The following OTOP1 variants were observed in gnomAD, a reference collection of about 807,000 sequenced individuals.
OTOP1 encodes the protein proton channel OTOP1.
OTOP1 carries 59 observed loss-of-function variants against 52.9 expected under a neutral mutation model. That is an observed-to-expected ratio of 1.12 (90% CI 0.91 to 1.39). The LOEUF is 1.39. Among genes scored for constraint, OTOP1 ranks in the 40% most tolerant of loss-of-function variants. OTOP1 has a pLI of 0.00. For missense variants in OTOP1, 761 were observed against 800.9 expected, an observed-to-expected ratio of 0.95 and a Z score of 0.60; for synonymous variants, 317 against 337.7, an observed-to-expected ratio of 0.94 and a Z score of 0.67.
chr4:4,197,523 G>A lies in OTOP1; in HGVS notation c.1311C>T (p.Tyr437=), dbSNP rs147909403. Residue 437 remains tyrosine (Y), a synonymous_variant, in exon 5 of 6, where the codon TAC becomes TAT. Transcript: ENST00000296358. ...PYSILAIVEK[Y]IQNLFIFESI... ...ATTCAAAGATGAAGAGGTTCTGGAT[G>A]TACTTCTCCACGATCGCCAGGATGG... 1.1e-5 allele frequency: 17 copies of A among 1,614,008 alleles called. 1 individual carries two copies. In the Admixed American group the frequency reaches 2.2e-4, roughly 21 times the overall value.
intron 5 of OTOP1, among the ~76,000 whole-genome samples, chr4:4,194,301 C>G (rs78728907): frequency 0.16 from 23,809 of 152,222 alleles, 2,369 homozygotes; most frequent in Non-Finnish European, 0.23. Flanking sequence ...ACATGCACCT[C>G]AAAAAAATGC....
At chr4:4,195,455 G>A (rs1716600950) in intron 5 of OTOP1, among the ~76,000 whole-genome samples, 2 of 152,252 alleles carry the variant, frequency 1.3e-5, no homozygotes, top group South Asian at 4.2e-4. Context: ...TTGCAGTGAG[G>A]GGTGCCCATG....
At position 4,197,298 on chromosome 4, in the gene OTOP1, C is replaced by T; in HGVS notation, c.1536G>A (p.Glu512=). ...AGCTGCTCTCCTCCTGCTTCTCCTC[C>T]TCCTTGTCATGGCTTTCTCTCATGC... The part of the protein sequence containing the change: ...NVCMRESHDK[E]EEKQEESSWG... Residue 512 remains glutamate (E), a synonymous_variant, in exon 5 of 6, where the codon GAG becomes GAA. Coordinates refer to ENST00000296358, the MANE Select transcript of OTOP1 (RefSeq NM_177998.3). The T allele has an allele frequency of 6.2e-7, 1 of 1,614,174 alleles. No individual in the cohort carries two copies.
chr4:4,189,335 C>G (rs1015324851), intron 5 of OTOP1, among the ~76,000 whole-genome samples: 1 of 152,204 alleles, frequency 6.6e-6, no homozygotes, highest in Non-Finnish European at 1.5e-5. Flanking sequence ...ATTAAGTTTG[C>G]AAAACTGAAA....
intron 1 of OTOP1, among the ~76,000 whole-genome samples, chr4:4,224,571 A>G (rs1315536836): frequency 1.3e-5 from 2 of 152,174 alleles, no homozygotes; most frequent in Non-Finnish European, 2.9e-5. Flanking sequence ...TCCTAAAATA[A>G]CACTTTGTGC....
At chr4:4,205,954 A>G in intron 3 of OTOP1, 118 bp downstream of exon 3, 3 of 861,114 alleles carry the variant, frequency 3.5e-6, no homozygotes, top group Non-Finnish European at 5.5e-6. Flanking sequence ...CTTAGCTTTC[A>G]GGACTGAGGG....
In OTOP1 at chr4:4,212,857, C is replaced by A. The variant is rs749593894; in HGVS notation, c.540+11G>T. ...GGAATGAGACAATATAAATAAACATCAGTGGTTTACCTGCAACAAAGTATG... is the reference window on the plus strand; with the variant it reads ...GGAATGAGACAATATAAATAAACATAAGTGGTTTACCTGCAACAAAGTATG... On this transcript the variant is annotated intron_variant, in intron 2 of 5. Transcript: ENST00000296358. 1 of 1,613,550 alleles carries A rather than the reference C, an allele frequency of 6.2e-7. No homozygotes were observed. The highest frequency in any genetic ancestry group is 1.3e-5 in the African/African-American group (1 of 74,906).
At chr4:4,205,155 C>T (rs1303154843) in intron 3 of OTOP1, among the ~76,000 whole-genome samples, 1 of 152,198 alleles carries the variant, frequency 6.6e-6, no homozygotes, top group Non-Finnish European at 1.5e-5. Context: ...TCCTTCCATC[C>T]TCACCATCCC....
intron 3 of OTOP1, among the ~76,000 whole-genome samples, chr4:4,204,816 C>T (rs556228185): frequency 2.6e-4 from 39 of 152,010 alleles, no homozygotes; most frequent in African/African-American, 7.2e-4. Context: ...CTGTTGCCCA[C>T]GCTGGAGTGC....
intron 4 of OTOP1, 124 bp from the exon 5 acceptor site, chr4:4,198,227 AT>A (rs1716697530): frequency 2.7e-6 from 2 of 739,928 alleles, no homozygotes; most frequent in South Asian, 3.6e-5. Context: ...TATGAGCTTT[AT>A]CATGTCATAG....
chr4:4,193,997 G>A (rs1230516403), intron 5 of OTOP1, among the ~76,000 whole-genome samples: 2 of 152,160 alleles, frequency 1.3e-5, no homozygotes, highest in African/African-American at 4.8e-5. Context: ...AGACCACCCT[G>A]ACCAACCTAG....
At chr4:4,207,397 G>C (rs1716929705) in intron 2 of OTOP1, among the ~76,000 whole-genome samples, 1 of 152,138 alleles carries the variant, frequency 6.6e-6, no homozygotes, top group Non-Finnish European at 1.5e-5. Flanking sequence ...ACTTTGAGAA[G>C]ACTGTACACT....
chr4:4,188,927 C>A lies in OTOP1; in HGVS notation c.1715G>T (p.Gly572Val). 1 of 1,613,858 alleles carries A rather than the reference C, an allele frequency of 6.2e-7. No individual in the cohort carries two copies. Among genetic ancestry groups the A allele is most frequent in the Non-Finnish European group, 8.5e-7 (1 of 1,179,796 alleles). Residue 572 changes from glycine (G) to valine (V), a missense_variant, in exon 6 of 6, where the codon GGA becomes GTA. Physicochemically the swap from Gly to Val is moderately radical, Grantham distance 109. Coordinates refer to ENST00000296358, the MANE Select transcript of OTOP1 (RefSeq NM_177998.3). The stretch of plus-strand genomic sequence containing the variant: ...AAAGCCAAAGACAATCTCCTCCAAT[C>A]CATTGTCATACTCAGGTCGACAGCC... ...AFGCRPEYDN[G>V]LEEIVFGFEP... is the part of the protein sequence containing the mutation.
At chr4:4,223,229 G>T in intron 1 of OTOP1, among the ~76,000 whole-genome samples, 1 of 152,212 alleles carries the variant, frequency 6.6e-6, no homozygotes, top group South Asian at 2.1e-4. Context: ...CATGTCCATA[G>T]GAGAAATGTA....
In OTOP1 at chr4:4,197,717, T is replaced by G. The variant is rs753573122; in HGVS notation, c.1117A>C (p.Arg373=). 1.2e-6 allele frequency: 2 copies of G among 1,613,770 alleles called. 1 individual carries two copies. Among genetic ancestry groups the G allele is most frequent in the South Asian group, 2.2e-5 (2 of 91,018 alleles). The change falls in exon 5 of 6, where the codon AGG becomes CGG. Residue 373 remains arginine (R), a synonymous_variant. Coordinates refer to ENST00000296358, the MANE Select transcript of OTOP1 (RefSeq NM_177998.3). ...AAGLAGIRIY[R]IDEKSLDESK... is the part of the protein sequence containing the mutation. ...TCATCCAGTGACTTCTCGTCTATCC[T>G]GTAAATCCGGATTCCAGCCAGCCCC...
intron 1 of OTOP1, among the ~76,000 whole-genome samples, chr4:4,221,047 T>TC (rs1308940398): frequency 1.4e-4 from 2 of 14,278 alleles, no homozygotes; most frequent in Admixed American, 6.5e-4. Flanking sequence ...TTTATTCTAT[T>TC]TTATTTTATT....
intron 2 of OTOP1, 92 bp from the exon 3 acceptor site, chr4:4,206,222 T>A: frequency 9.4e-7 from 1 of 1,069,088 alleles, no homozygotes; most frequent in Non-Finnish European, 1.4e-6. Flanking sequence ...AAAGAAAATG[T>A]ATGAGAAAAT....
intron 5 of OTOP1, among the ~76,000 whole-genome samples, chr4:4,195,361 G>A (rs1716598663): frequency 6.6e-6 from 1 of 152,198 alleles, no homozygotes; most frequent in Non-Finnish European, 1.5e-5. Flanking sequence ...CGGACAGATA[G>A]GTGAGTGACT....
intron 4 of OTOP1, among the ~76,000 whole-genome samples, 171 bp downstream of exon 4, chr4:4,202,277 G>C (rs1716804951): frequency 6.6e-6 from 1 of 152,196 alleles, no homozygotes; most frequent in Non-Finnish European, 1.5e-5. Context: ...ACTTATGAGA[G>C]ATTCAGGTTT....
Sources: gnomAD v4.1 joint callset for allele counts (sites outside exome capture counted in the v4.1 genomes callset) on GRCh38, gnomAD v4.1.1 for gene constraint, MANE v1.5 for transcripts, NCBI Gene and HGNC (gene_info 2026-07-23, HGNC 2026-07-21) for gene names.